The following UNC13C variants were observed in gnomAD, a reference collection of about 807,000 sequenced individuals.
UNC13C encodes the protein protein unc-13 homolog C.
Under a neutral mutation model 245.4 loss-of-function variants are expected in UNC13C, and 174 were observed. The observed-to-expected ratio is 0.71, with a 90% confidence interval of 0.63 to 0.80. UNC13C has a LOEUF of 0.80. Among genes scored for constraint, UNC13C ranks in the 30% least tolerant of loss-of-function variants. The probability of loss-of-function intolerance (pLI) is 0.00; values close to 1 mark genes in which losing one functional copy is unlikely to be tolerated. For missense variants in UNC13C, 2,829 were observed against 2,602.9 expected (o/e 1.09, Z -1.89); for synonymous variants, 992 against 895.1 (o/e 1.11, Z -1.93).
At chr15:54,595,122 T>C (rs1416897418) in intron 30 of UNC13C, among the ~76,000 whole-genome samples, 2 of 152,200 alleles carry the variant, frequency 1.3e-5, no homozygotes, top group Admixed American at 6.5e-5. Context: ...CTACTTAAGA[T>C]CTTTAACTTA....
chr15:54,500,060 CATT>C lies in UNC13C; in HGVS notation c.5061-14_5061-12del, dbSNP rs771368577. 9 of 1,566,152 alleles carry C rather than the reference CATT, an allele frequency of 5.7e-6. No individual in the cohort carries two copies. The highest frequency in any genetic ancestry group is 2.3e-5 in the East Asian group (1 of 44,060). ...AAATGATGTCCTTTGTGGTATGTAA[CATT>C]ATTAATTTGTTATAGGTGGTTTGAA... On this transcript the variant is annotated splice_polypyrimidine_tract_variant and intron_variant, in intron 20 of 32. Coordinates refer to ENST00000260323, the MANE Select transcript of UNC13C (RefSeq NM_001080534.3).
intron 30 of UNC13C, among the ~76,000 whole-genome samples, chr15:54,591,856 G>C (rs556916302): frequency 6.6e-6 from 1 of 151,982 alleles, no homozygotes; most frequent in East Asian, 1.9e-4. Context: ...GTTTGTTCTT[G>C]TTTTTTAGTT....
intron 17 of UNC13C, among the ~76,000 whole-genome samples, chr15:54,343,979 G>A (rs2038799775): frequency 6.6e-6 from 1 of 152,140 alleles, no homozygotes; most frequent in Admixed American, 6.5e-5. Context: ...GCATTGTAGA[G>A]GAAGGAAACC....
rs74535056 is a variant in UNC13C at position 54,017,881 on chromosome 15, T to C, written c.2983+1995T>C. ...AGAGGACTCAGACCCCTCCATCCTC[T>C]TGGAGCTTGGCTTCTTATTATCCTG... On this transcript the variant is annotated intron_variant, in intron 2 of 32. Transcript: ENST00000260323. Among the ~76,000 whole-genome samples the C allele has an allele frequency of 4.1e-3, 622 of 152,296 alleles. 5 individuals carry two copies. The highest frequency in any genetic ancestry group is 0.015 in the African/African-American group (608 of 41,564).
At chr15:54,594,609 G>GA (rs530063233) in intron 30 of UNC13C, among the ~76,000 whole-genome samples, 8 of 152,066 alleles carry the variant, frequency 5.3e-5, no homozygotes, top group African/African-American at 1.9e-4. Context: ...GGAAGTGGGG[G>GA]AAAGTCGACC....
intron 24 of UNC13C, among the ~76,000 whole-genome samples, chr15:54,520,780 C>T (rs753405893): frequency 1.3e-5 from 2 of 152,082 alleles, no homozygotes; most frequent in Non-Finnish European, 2.9e-5. Flanking sequence ...TATGGAAACA[C>T]GTCAGTGGCA....
chr15:54,041,786 A>G (rs1431210283), intron 2 of UNC13C, among the ~76,000 whole-genome samples: 1 of 152,246 alleles, frequency 6.6e-6, no homozygotes, highest in Non-Finnish European at 1.5e-5. Context: ...TCTGGTACAT[A>G]ATAAATGCTA....
the UNC13C span, among the ~76,000 whole-genome samples, chr15:53,861,440 G>A: frequency 0.45 from 68,461 of 151,886 alleles, 15,838 homozygotes; most frequent in Middle Eastern, 0.59. Flanking sequence ...TGTTATTTTT[G>A]TTTTTTTATA....
intron 1 of UNC13C, among the ~76,000 whole-genome samples, chr15:54,005,448 T>C (rs1362513273): frequency 1.3e-5 from 2 of 152,216 alleles, no homozygotes; most frequent in East Asian, 3.8e-4. Context: ...GGCTCTCGTA[T>C]TCTTCATTTG....
At position 54,012,826 on chromosome 15, in the gene UNC13C, T is replaced by C. The variant is rs1895439468; in HGVS notation, c.-78T>C. On this transcript the variant is annotated 5_prime_UTR_variant, in exon 2 of 33. Coordinates refer to ENST00000260323, the MANE Select transcript of UNC13C (RefSeq NM_001080534.3). ...TCACAGAACTTCTGAACAGTGATGC[T>C]TGCCTTGGATTTTCAGGTTTTCATC... 3 of 1,158,708 alleles carry C rather than the reference T, an allele frequency of 2.6e-6. No homozygotes were observed. The highest frequency in any genetic ancestry group is 3.7e-6 in the Non-Finnish European group (3 of 809,994). 71.8% of individuals were successfully genotyped at this position (1,158,708 alleles called of 1,614,324 possible).
At chr15:54,515,491 G>A (rs112933306) in intron 24 of UNC13C, among the ~76,000 whole-genome samples, 3 of 152,074 alleles carry the variant, frequency 2.0e-5, no homozygotes, top group Admixed American at 6.5e-5. Flanking sequence ...TGCAGCCCAT[G>A]AAAAGGACTT....
chr15:54,183,051 A>T (rs1008430376), intron 4 of UNC13C, among the ~76,000 whole-genome samples: 2 of 152,030 alleles, frequency 1.3e-5, no homozygotes, highest in African/African-American at 2.4e-5. Context: ...AAAATAGATG[A>T]TTCAAGCTAG....
At chr15:54,039,077 G>A (rs574737398) in intron 2 of UNC13C, among the ~76,000 whole-genome samples, 1 of 152,210 alleles carries the variant, frequency 6.6e-6, no homozygotes, top group African/African-American at 2.4e-5. Context: ...TATAGCAACA[G>A]GGACCTCATG....
At chr15:54,461,005 T>C (rs1891815698) in intron 19 of UNC13C, among the ~76,000 whole-genome samples, 1 of 152,172 alleles carries the variant, frequency 6.6e-6, no homozygotes. Context: ...TTGACTAATT[T>C]TATTTCTTGC....
At chr15:53,840,441 C>T in the UNC13C span, among the ~76,000 whole-genome samples, 1 of 152,004 alleles carries the variant, frequency 6.6e-6, no homozygotes. Flanking sequence ...CTCTTTCTAG[C>T]CAAGCAAAAC....
intron 4 of UNC13C, among the ~76,000 whole-genome samples, chr15:54,163,321 A>T (rs867062254): frequency 3.3e-5 from 5 of 152,214 alleles, no homozygotes; most frequent in Non-Finnish European, 5.9e-5. Flanking sequence ...AAGGAAAAAA[A>T]ATCTCCTACA....
chr15:54,443,584 A>G (rs901129632), intron 19 of UNC13C, among the ~76,000 whole-genome samples: 1 of 152,006 alleles, frequency 6.6e-6, no homozygotes, highest in African/African-American at 2.4e-5. Flanking sequence ...TTTATCACAT[A>G]TATTTTGCTA....
intron 4 of UNC13C, among the ~76,000 whole-genome samples, chr15:54,228,461 G>A (rs548994582): frequency 1.7e-4 from 26 of 152,180 alleles, no homozygotes; most frequent in African/African-American, 6.3e-4. Context: ...AATGTGCTTG[G>A]TTACACCAAA....
the UNC13C span, among the ~76,000 whole-genome samples, chr15:53,864,208 G>A: frequency 1.3e-5 from 2 of 152,072 alleles, no homozygotes; most frequent in African/African-American, 2.4e-5. Context: ...GAATTTTATT[G>A]AAAAACAATA....
Sources: allele counts gnomAD v4.1 joint callset (sites outside exome capture counted in the v4.1 genomes callset), GRCh38; gene constraint gnomAD v4.1.1; transcripts MANE v1.5; gene names NCBI Gene and HGNC (gene_info 2026-07-23, HGNC 2026-07-21).